SLC9B2: variants seen among roughly 807,000 people sequenced by gnomAD.
The protein encoded by SLC9B2 is sodium/hydrogen exchanger 9B2.
In SLC9B2, 39 loss-of-function variants were observed where a neutral mutation model predicts 52.2. The ratio of observed to expected loss-of-function variants is 0.75; its 90% CI spans 0.58 to 0.98. The LOEUF (loss-of-function observed/expected upper bound fraction) is 0.98. Ranked by LOEUF, SLC9B2 falls within the 50% of genes least tolerant of loss-of-function variation. The pLI is 0.00. For synonymous variants in SLC9B2, 214 were observed against 227.0 expected (o/e 0.94, Z 0.51); for missense variants, 626 against 637.5 (o/e 0.98, Z 0.19).
intron 11 of SLC9B2, among the ~76,000 whole-genome samples, chr4:103,027,322 C>T (rs958410993): frequency 1.3e-5 from 2 of 152,068 alleles, no homozygotes; most frequent in African/African-American, 4.8e-5. Flanking sequence ...CTACTGAAAA[C>T]TGTTAAATTT....
chr4:103,057,747 T>C (rs1490550337), intron 4 of SLC9B2, 54 bp downstream of exon 4: 3 of 1,533,774 alleles, frequency 2.0e-6, no homozygotes, highest in Non-Finnish European at 2.6e-6. Context: ...TTCCAAACTA[T>C]TATCTTAAAA....
At chr4:103,047,293 C>T in intron 6 of SLC9B2, 67 bp from the exon 7 acceptor site, 2 of 1,383,130 alleles carry the variant, frequency 1.4e-6, no homozygotes, top group Non-Finnish European at 1.9e-6. Context: ...AATTATAATG[C>T]CCTCCACTTT....
Position 103,048,827 on chromosome 4 carries a change from G to A in SLC9B2, c.713+66C>T, listed in dbSNP as rs1012421176. The stretch of plus-strand genomic sequence containing the variant: ...AGAAAATTCTATTATGCATTCTCTT[G>A]TATGCAATCAGGGAAAGCCCTAAAT... On this transcript the variant is annotated intron_variant, in intron 6 of 11. Transcript: ENST00000394785. 5.1e-6 allele frequency: 8 copies of A among 1,567,070 alleles called. No individual in the cohort carries two copies. The East Asian group carries it at 1.6e-4, about 31-fold the overall frequency.
chr4:103,020,436 TAGAA>T (rs778411890), downstream of SLC9B2: 1 of 405,426 alleles, frequency 2.5e-6, no homozygotes, highest in South Asian at 1.8e-5. Flanking sequence ...GTAAACTTCT[TAGAA>T]AGACAAACTG....
intron 11 of SLC9B2, among the ~76,000 whole-genome samples, 163 bp downstream of exon 11, chr4:103,028,584 T>C (rs1742421369): frequency 6.6e-6 from 1 of 152,112 alleles, no homozygotes; most frequent in Middle Eastern, 3.2e-3. Flanking sequence ...GGAATGAATA[T>C]ACCAAAAATA....
chr4:103,048,841 A>C, intron 6 of SLC9B2, 52 bp downstream of exon 6: 2 of 1,594,214 alleles, frequency 1.3e-6, no homozygotes, highest in Non-Finnish European at 1.7e-6. Flanking sequence ...GCAATCAGGG[A>C]AAGCCCTAAA....
In SLC9B2 at chr4:103,045,022, G is replaced by A. The variant is rs143335476; in HGVS notation, c.890-26C>T. On this transcript the variant is annotated intron_variant, in intron 7 of 11. Coordinates refer to ENST00000394785, the MANE Select transcript of SLC9B2 (RefSeq NM_178833.7). Reference sequence around the variant, plus strand: ...CTGAAAAATATATTAAAAAAACTTAGAGCTCTAAATCCAACAAATACACAG... The same window carrying A: ...CTGAAAAATATATTAAAAAAACTTAAAGCTCTAAATCCAACAAATACACAG... 8,346 of 1,504,986 alleles carry A rather than the reference G, an allele frequency of 5.5e-3. 38 individuals carry two copies. Among genetic ancestry groups the A allele is most frequent in the Non-Finnish European group, 7.0e-3 (7,562 of 1,084,030 alleles). The allele number at this position is 1,504,986 out of a possible 1,614,324, so 93.2% of individuals were successfully genotyped here.
intron 9 of SLC9B2, among the ~76,000 whole-genome samples, chr4:103,037,011 C>T (rs1356608619): frequency 6.6e-6 from 1 of 152,088 alleles, no homozygotes; most frequent in Non-Finnish European, 1.5e-5. Context: ...TATCTGCAAG[C>T]ATTTTATGTG....
At chr4:103,028,913 A>G in intron 10 of SLC9B2, 30 bp from the exon 11 acceptor site, 6 of 1,506,942 alleles carry the variant, frequency 4.0e-6, no homozygotes, top group Non-Finnish European at 5.3e-6. Flanking sequence ...TTTAGAAATA[A>G]TAAAATACTA....
intron 4 of SLC9B2, among the ~76,000 whole-genome samples, chr4:103,052,166 T>C (rs1476769437): frequency 6.6e-6 from 1 of 152,192 alleles, no homozygotes; most frequent in African/African-American, 2.4e-5. Flanking sequence ...GCAGGGGGAA[T>C]GGTTTCAGGA....
chr4:103,047,492 A>G (rs977031577), intron 6 of SLC9B2, among the ~76,000 whole-genome samples: 1 of 150,366 alleles, frequency 6.7e-6, no homozygotes, highest in Non-Finnish European at 1.5e-5. Context: ...TGCTGCACCC[A>G]TTAACTCGTC....
intron 4 of SLC9B2, among the ~76,000 whole-genome samples, chr4:103,056,980 A>G (rs890687966): frequency 2.6e-5 from 4 of 152,188 alleles, no homozygotes; most frequent in Non-Finnish European, 5.9e-5. Context: ...TCAATGTCAT[A>G]AGTGACTTAT....
downstream of SLC9B2, among the ~76,000 whole-genome samples, chr4:103,018,210 T>A (rs1386927275): frequency 6.6e-6 from 1 of 152,186 alleles, no homozygotes; most frequent in African/African-American, 2.4e-5. Context: ...ATACTTTATA[T>A]GTTACAACTA....
At chr4:103,047,746 A>T (rs564728304) in intron 6 of SLC9B2, among the ~76,000 whole-genome samples, 4 of 152,262 alleles carry the variant, frequency 2.6e-5, no homozygotes, top group African/African-American at 9.6e-5. Context: ...ATGGCTGCGT[A>T]GTATTCCATG....
In SLC9B2 at chr4:103,026,011, AT is replaced by A. The variant is rs1358895596; in HGVS notation, c.*358del. On this transcript the variant is annotated 3_prime_UTR_variant, in exon 12 of 12. Transcript: ENST00000394785. The stretch of plus-strand genomic sequence containing the variant: ...TCAAGGCATCAGAGCCTGGGCAAAT[AT>A]GAATCAGGAAACTGTGAAAGTTAAA... 6.1e-6 allele frequency: 1 copy of A among 164,810 alleles called. No individual in the cohort carries two copies. Among genetic ancestry groups the A allele is most frequent in the Admixed American group, 6.3e-5 (1 of 15,766 alleles). The allele number at this position is 164,810 out of a possible 1,614,324, so 10.2% of individuals were successfully genotyped here. A position where few individuals can be genotyped will look rare whatever the true frequency, so the allele number is the denominator to read the frequency against.
chr4:103,026,118 T>A lies in SLC9B2; in HGVS notation c.*252A>T, dbSNP rs899237309. 1.7e-5 allele frequency: 6 copies of A among 343,904 alleles called. No homozygotes were observed. Among genetic ancestry groups the A allele is most frequent in the Admixed American group, 9.1e-5 (2 of 21,954 alleles). The allele number at this position is 343,904 out of a possible 1,614,324, so 21.3% of individuals were successfully genotyped here. A position where few individuals can be genotyped will look rare whatever the true frequency, so the allele number is the denominator to read the frequency against. On this transcript the variant is annotated 3_prime_UTR_variant, in exon 12 of 12. Coordinates refer to ENST00000394785, the MANE Select transcript of SLC9B2 (RefSeq NM_178833.7). Reference sequence around the variant, plus strand: ...TGTAAACTGTGGTAGTACATTAAAGTAGATATGTCCTTATGCAAATTAAGA... The same window carrying A: ...TGTAAACTGTGGTAGTACATTAAAGAAGATATGTCCTTATGCAAATTAAGA...
At chr4:103,071,845 A>T (rs1160873143) in intron 1 of SLC9B2, among the ~76,000 whole-genome samples, 5 of 152,078 alleles carry the variant, frequency 3.3e-5, no homozygotes, top group African/African-American at 1.2e-4. Flanking sequence ...AATCTACTCA[A>T]TTCCTAAAGC....
intron 9 of SLC9B2, among the ~76,000 whole-genome samples, chr4:103,033,556 A>G (rs1742890070): frequency 6.6e-6 from 1 of 152,214 alleles, no homozygotes; most frequent in Admixed American, 6.5e-5. Flanking sequence ...TACTATACCT[A>G]GAAAACTTCA....
At chr4:103,046,871 G>A (rs1233676931) in intron 7 of SLC9B2, among the ~76,000 whole-genome samples, 180 bp downstream of exon 7, 6 of 152,168 alleles carry the variant, frequency 3.9e-5, no homozygotes, top group Non-Finnish European at 8.8e-5. Context: ...TCTCTAGAGG[G>A]AGCAAGAGAG....
Sources: allele counts gnomAD v4.1 joint callset (sites outside exome capture counted in the v4.1 genomes callset), GRCh38; gene constraint gnomAD v4.1.1; transcripts MANE v1.5; gene names NCBI Gene and HGNC (gene_info 2026-07-23, HGNC 2026-07-21).